TBCD: variants seen among roughly 807,000 people sequenced by gnomAD.
The protein encoded by TBCD is tubulin folding cofactor D.
Under a neutral mutation model 169.3 loss-of-function variants are expected in TBCD, and 105 were observed. That is an observed-to-expected ratio of 0.62 (90% CI 0.53 to 0.73). TBCD has a LOEUF of 0.73. TBCD is among the 30% of genes least tolerant of loss of function. The pLI is 0.00. For synonymous variants in TBCD, 700 were observed against 643.9 expected, an observed-to-expected ratio of 1.09 and a Z score of -1.32; for missense variants, 1,444 against 1,600.1, an observed-to-expected ratio of 0.90 and a Z score of 1.66.
rs1214291792 is a variant in TBCD at position 82,752,092 on chromosome 17, C to T, written c.-102C>T. ...CAGCGTCGGTTGCCGCCTTAGCGGG[C>T]GCCTCCTTTTCATCCCTCATCCTTC... On this transcript the variant is annotated 5_prime_UTR_variant, in exon 1 of 39. Transcript: ENST00000355528. The T allele has an allele frequency of 6.3e-6, 8 of 1,276,548 alleles. No homozygotes were observed. The highest frequency in any genetic ancestry group is 8.0e-5 in the Admixed American group (2 of 24,976). The allele number at this position is 1,276,548 out of a possible 1,614,324, so 79.1% of individuals were successfully genotyped here.
chr17:82,855,235 CTT>C (rs58346723), intron 13 of TBCD, among the ~76,000 whole-genome samples: 94 of 54,000 alleles, frequency 1.7e-3, no homozygotes, highest in Non-Finnish European at 1.8e-3. Flanking sequence ...AAGGTGTTTG[CTT>C]TTTTTTTTTT....
At chr17:82,932,869 A>T in intron 34 of TBCD, 134 bp downstream of exon 34, 1 of 766,266 alleles carries the variant, frequency 1.3e-6, no homozygotes, top group Non-Finnish European at 2.1e-6. Flanking sequence ...AGTTATGGTG[A>T]CTGTAAATAC....
In TBCD at chr17:82,905,330, G is replaced by A. The variant is rs116771134; in HGVS notation, c.1805-606G>A. ...CACCCCGTCTGGGGCACTTGGGAGCGGGCCATGTCCAGCACACCGCAGCCT... is the reference window on the plus strand; with the variant it reads ...CACCCCGTCTGGGGCACTTGGGAGCAGGCCATGTCCAGCACACCGCAGCCT... On this transcript the variant is annotated intron_variant, in intron 19 of 38. Coordinates refer to ENST00000355528, the MANE Select transcript of TBCD (RefSeq NM_005993.5). Among the ~76,000 whole-genome samples, 210 of 152,364 alleles carry A rather than the reference G, an allele frequency of 1.4e-3. 1 individual carries two copies. The highest frequency in any genetic ancestry group is 4.5e-3 in the African/African-American group (187 of 41,586).
chr17:82,883,586 C>T (rs1012176016), intron 14 of TBCD, among the ~76,000 whole-genome samples: 2 of 152,210 alleles, frequency 1.3e-5, no homozygotes, highest in African/African-American at 2.4e-5. Flanking sequence ...GGGGCCTCTG[C>T]CAGACGCCTT....
intron 11 of TBCD, among the ~76,000 whole-genome samples, chr17:82,808,382 TTG>T (rs1598625318): frequency 5.0e-5 from 4 of 80,042 alleles, no homozygotes; most frequent in Non-Finnish European, 7.3e-5. Flanking sequence ...GATGCTGGGG[TTG>T]GGGGAGGCCC....
intron 1 of TBCD, among the ~76,000 whole-genome samples, 163 bp downstream of exon 1, chr17:82,752,540 G>T (rs2047155807): frequency 6.6e-6 from 1 of 151,964 alleles, no homozygotes; most frequent in Non-Finnish European, 1.5e-5. Flanking sequence ...CTTCCTAGGC[G>T]GGAGAGGGCC....
chr17:82,932,520 C>T (rs2062294050), intron 33 of TBCD, 138 bp from the exon 34 acceptor site: 1 of 735,762 alleles, frequency 1.4e-6, no homozygotes, highest in African/African-American at 1.7e-5. Context: ...TTGTCTTTTC[C>T]TGAAGCTTTG....
chr17:82,942,288 C>A, intron 38 of TBCD, 161 bp from the exon 39 acceptor site: 1 of 988,518 alleles, frequency 1.0e-6, no homozygotes, highest in Non-Finnish European at 1.5e-6. Flanking sequence ...CACCTGTCAG[C>A]CACATAGCTC....
chr17:82,800,167 C>T (rs1185423462), intron 8 of TBCD, among the ~76,000 whole-genome samples: 1 of 152,186 alleles, frequency 6.6e-6, no homozygotes, highest in Non-Finnish European at 1.5e-5. Context: ...TCACTTCCAG[C>T]CCATCTCTGA....
At chr17:82,830,443 A>G in intron 13 of TBCD, 1 of 1,612,038 alleles carries the variant, frequency 6.2e-7, no homozygotes, top group South Asian at 1.1e-5. Flanking sequence ...GCTGCTGTCC[A>G]CCGCGCATGC....
chr17:82,773,724 C>T (rs1194564386), intron 6 of TBCD, among the ~76,000 whole-genome samples: 1 of 151,174 alleles, frequency 6.6e-6, no homozygotes, highest in African/African-American at 2.4e-5. Context: ...TTTTCTTTTT[C>T]TTTCTTTTTT....
chr17:82,925,235 G>A (rs1211677851), intron 27 of TBCD, among the ~76,000 whole-genome samples, 178 bp downstream of exon 27: 1 of 152,234 alleles, frequency 6.6e-6, no homozygotes, highest in African/African-American at 2.4e-5. Flanking sequence ...CCCAAGGTCT[G>A]TGGCCCCTTA....
chr17:82,824,648 G>A (rs927185528), intron 13 of TBCD, among the ~76,000 whole-genome samples: 15 of 152,206 alleles, frequency 9.9e-5, no homozygotes, highest in East Asian at 1.9e-4. Flanking sequence ...GTGCACCACC[G>A]CCCCTGGCCA....
At chr17:82,844,893 A>T (rs1052497037) in intron 13 of TBCD, among the ~76,000 whole-genome samples, 1 of 152,128 alleles carries the variant, frequency 6.6e-6, no homozygotes, top group Non-Finnish European at 1.5e-5. Context: ...TTTACTCAGA[A>T]GCACCACGCA....
Position 82,752,091 on chromosome 17 carries a change from G to T in TBCD, c.-103G>T. On this transcript the variant is annotated 5_prime_UTR_variant, in exon 1 of 39. Transcript: ENST00000355528. ...CCAGCGTCGGTTGCCGCCTTAGCGGGCGCCTCCTTTTCATCCCTCATCCTT... is the reference window on the plus strand; with the variant it reads ...CCAGCGTCGGTTGCCGCCTTAGCGGTCGCCTCCTTTTCATCCCTCATCCTT... The T allele has an allele frequency of 7.8e-7, 1 of 1,279,078 alleles. No individual in the cohort carries two copies. The allele number at this position is 1,279,078 out of a possible 1,614,324, so 79.2% of individuals were successfully genotyped here.
At chr17:82,846,798 G>C (rs1410969854) in intron 13 of TBCD, among the ~76,000 whole-genome samples, 2 of 152,202 alleles carry the variant, frequency 1.3e-5, no homozygotes, top group African/African-American at 4.8e-5. Context: ...TGATTTAACT[G>C]AACAGAGCGC....
intron 38 of TBCD, chr17:82,942,188 A>C: frequency 3.6e-6 from 2 of 552,766 alleles, no homozygotes; most frequent in Non-Finnish European, 6.3e-6. Context: ...AAAAATTTCA[A>C]ACGTGTGAAT....
chr17:82,938,046 C>T lies in TBCD; in HGVS notation c.3282-3C>T, dbSNP rs781386214. Reference sequence around the variant, plus strand: ...ACCTGGAGCCATGTGCTGCTCCCGGCAGGTTCTGCGAGATGGTGCAGTTCC... The same window carrying T: ...ACCTGGAGCCATGTGCTGCTCCCGGTAGGTTCTGCGAGATGGTGCAGTTCC... On this transcript the variant is annotated splice_polypyrimidine_tract_variant and splice_region_variant and intron_variant, in intron 35 of 38. Transcript: ENST00000355528. The T allele has an allele frequency of 1.9e-6, 3 of 1,612,982 alleles. No homozygotes were observed. The highest frequency in any genetic ancestry group is 2.5e-6 in the Non-Finnish European group (3 of 1,179,736).
At chr17:82,756,058 G>A (rs1163498063) in intron 1 of TBCD, 107 bp from the exon 2 acceptor site, 2 of 959,580 alleles carry the variant, frequency 2.1e-6, no homozygotes, top group African/African-American at 3.3e-5. Context: ...AGCTGGGGAA[G>A]AGGTGGAGCT....
Sources: gnomAD v4.1 joint callset for allele counts (sites outside exome capture counted in the v4.1 genomes callset) on GRCh38, gnomAD v4.1.1 for gene constraint, MANE v1.5 for transcripts, NCBI Gene and HGNC (gene_info 2026-07-23, HGNC 2026-07-21) for gene names.